Variants in CBLN2 observed in about 807,000 individuals in gnomAD.
CBLN2 encodes cerebellin-2.
CBLN2 carries 7 observed loss-of-function variants against 15.0 expected under a neutral mutation model. The observed-to-expected ratio is 0.47, with a 90% CI of 0.27 to 0.88. The LOEUF (loss-of-function observed/expected upper bound fraction) is 0.88. Among genes scored for constraint, CBLN2 ranks in the 40% least tolerant of loss-of-function variants. The pLI, the probability that CBLN2 is intolerant of heterozygous loss-of-function variation, is 0.14. For missense variants in CBLN2, 242 were observed against 304.5 expected (o/e 0.79, Z 1.53); for synonymous variants, 149 against 135.2 (o/e 1.10, Z -0.71).
intron 1 of CBLN2, among the ~76,000 whole-genome samples, chr18:72,615,141 T>TTTTAGA (rs1257777256): frequency 1.5e-5 from 2 of 133,646 alleles, no homozygotes; most frequent in Non-Finnish European, 3.2e-5. Flanking sequence ...ATTATATAAA[T>TTTTAGA]AAATATAAAT....
chr18:72,555,302 T>G (rs955917615), intron 1 of CBLN2, among the ~76,000 whole-genome samples: 4 of 152,148 alleles, frequency 2.6e-5, no homozygotes, highest in African/African-American at 9.7e-5. Flanking sequence ...GCATCTACTT[T>G]CAATATGTGT....
chr18:72,615,794 C>G lies in CBLN2; in HGVS notation c.15+22531G>C, dbSNP rs935222603. Reference sequence around the variant, plus strand: ...CAATATAACAAATGATGCACTCTAACTGATAATTCTAGAATGAAATTAGAA... The same window carrying G: ...CAATATAACAAATGATGCACTCTAAGTGATAATTCTAGAATGAAATTAGAA... On this transcript the variant is annotated intron_variant, in intron 1 of 2. Transcript: ENST00000581073. Among the ~76,000 whole-genome samples, 29 of 152,126 alleles carry G rather than the reference C, an allele frequency of 1.9e-4. 1 individual carries two copies. Among genetic ancestry groups the G allele is most frequent in the African/African-American group, 6.8e-4 (28 of 41,416 alleles).
intron 1 of CBLN2, among the ~76,000 whole-genome samples, chr18:72,568,606 T>C (rs966722785): frequency 6.6e-6 from 1 of 151,992 alleles, no homozygotes; most frequent in African/African-American, 2.4e-5. Context: ...AAATAAAATA[T>C]TAAAAACAAA....
chr18:72,581,399 T>C (rs1392363393), intron 1 of CBLN2, among the ~76,000 whole-genome samples: 1 of 152,240 alleles, frequency 6.6e-6, no homozygotes, highest in Non-Finnish European at 1.5e-5. Context: ...CCCCTGGTTC[T>C]TTAAATTCTA....
At chr18:72,635,798 A>C (rs1181380694) in intron 1 of CBLN2, among the ~76,000 whole-genome samples, 1 of 152,138 alleles carries the variant, frequency 6.6e-6, no homozygotes, top group East Asian at 1.9e-4. Context: ...GAAACAAATT[A>C]TCAAACCATA....
At chr18:72,619,059 T>C in intron 1 of CBLN2, 1 of 751,842 alleles carries the variant, frequency 1.3e-6, no homozygotes, top group Admixed American at 1.7e-5. Flanking sequence ...ATTTTGGCAA[T>C]TGCAACAGTC....
chr18:72,541,704 T>C, intron 3 of CBLN2, 100 bp downstream of exon 3: 2 of 888,886 alleles, frequency 2.3e-6, no homozygotes, highest in Non-Finnish European at 3.3e-6. Flanking sequence ...GGACAGAGCC[T>C]GGGAACTCCA....
intron 1 of CBLN2, among the ~76,000 whole-genome samples, chr18:72,561,792 G>A (rs1358355480): frequency 6.6e-6 from 1 of 151,982 alleles, no homozygotes; most frequent in African/African-American, 2.4e-5. Context: ...CTGTCCGTGC[G>A]GCAATAACAT....
chr18:72,583,418 A>G (rs945179095), intron 1 of CBLN2, among the ~76,000 whole-genome samples: 3 of 151,774 alleles, frequency 2.0e-5, no homozygotes, highest in South Asian at 2.1e-4. Context: ...ACAAGCATAC[A>G]CTCATGCTAT....
At chr18:72,595,040 C>T (rs146958532) in intron 1 of CBLN2, among the ~76,000 whole-genome samples, 1 of 149,946 alleles carries the variant, frequency 6.7e-6, no homozygotes, top group Non-Finnish European at 1.5e-5. Flanking sequence ...GATTTCTGCT[C>T]TGATCTTTAT....
chr18:72,591,785 A>T (rs1356451799), intron 1 of CBLN2, among the ~76,000 whole-genome samples: 2 of 152,166 alleles, frequency 1.3e-5, no homozygotes, highest in African/African-American at 4.8e-5. Flanking sequence ...CACTTAACGT[A>T]ATCTTCTCCA....
intron 1 of CBLN2, among the ~76,000 whole-genome samples, chr18:72,630,275 T>C (rs1226917304): frequency 6.6e-6 from 1 of 152,112 alleles, no homozygotes; most frequent in Non-Finnish European, 1.5e-5. Context: ...ATAGAAAGGA[T>C]TCATGCATGA....
intron 1 of CBLN2, among the ~76,000 whole-genome samples, chr18:72,596,032 T>C (rs2069511522): frequency 2.0e-5 from 3 of 152,140 alleles, no homozygotes; most frequent in Admixed American, 1.3e-4. Context: ...ATATGCAATG[T>C]GATTGTTGAT....
chr18:72,576,349 C>G (rs577646404), intron 1 of CBLN2, among the ~76,000 whole-genome samples: 2 of 152,268 alleles, frequency 1.3e-5, no homozygotes, highest in African/African-American at 4.8e-5. Context: ...AGTGTTATCA[C>G]CAAGGCCAAA....
At chr18:72,614,243 T>C (rs145718906) in intron 1 of CBLN2, among the ~76,000 whole-genome samples, 217 of 152,306 alleles carry the variant, frequency 1.4e-3, no homozygotes, top group African/African-American at 5.0e-3. Context: ...TATTTATACA[T>C]TTCAACATGA....
At chr18:72,559,787 A>C (rs1049820697) in intron 1 of CBLN2, among the ~76,000 whole-genome samples, 1 of 152,224 alleles carries the variant, frequency 6.6e-6, no homozygotes, top group Non-Finnish European at 1.5e-5. Context: ...CGCTTCATAT[A>C]GCATTGGAGA....
chr18:72,608,147 T>C (rs544166838), intron 1 of CBLN2, among the ~76,000 whole-genome samples: 2 of 152,312 alleles, frequency 1.3e-5, no homozygotes, highest in East Asian at 3.9e-4. Context: ...CACACTACTT[T>C]TCATACGACA....
At chr18:72,638,134 A>G (rs72972728) in intron 1 of CBLN2, among the ~76,000 whole-genome samples, 10,875 of 152,300 alleles carry the variant, frequency 0.071, 638 homozygotes, top group Admixed American at 0.2. Flanking sequence ...GGTTTGCAAA[A>G]CAGCCTGTGG....
At chr18:72,629,563 G>C (rs2069761836) in intron 1 of CBLN2, among the ~76,000 whole-genome samples, 1 of 152,074 alleles carries the variant, frequency 6.6e-6, no homozygotes. Context: ...AGAGATGTTG[G>C]GTAGGGCAAA....
Sources: gnomAD v4.1 joint callset for allele counts (sites outside exome capture counted in the v4.1 genomes callset) on GRCh38, gnomAD v4.1.1 for gene constraint, MANE v1.5 for transcripts, NCBI Gene and HGNC (gene_info 2026-07-23, HGNC 2026-07-21) for gene names.